The following SIPA1L2 variants were observed in gnomAD, a reference collection of about 807,000 sequenced individuals.
The protein encoded by SIPA1L2 is signal-induced proliferation-associated 1-like protein 2.
Under a neutral mutation model 163.9 loss-of-function variants are expected in SIPA1L2, and 56 were observed. The ratio of observed to expected loss-of-function variants is 0.34; its 90% CI spans 0.28 to 0.43. The LOEUF (loss-of-function observed/expected upper bound fraction) is 0.43, where lower values mean the gene tolerates loss of function less well. Ranked by LOEUF, SIPA1L2 falls within the 20% of genes least tolerant of loss-of-function variation. The pLI, the probability that SIPA1L2 is intolerant of heterozygous loss-of-function variation, is 1.00. For missense variants in SIPA1L2, 1,974 were observed against 2,193.5 expected (o/e 0.90, Z 2.00); for synonymous variants, 877 against 865.7 (o/e 1.01, Z -0.23).
Position 232,512,790 on chromosome 1 carries a change from C to T in SIPA1L2, c.1483+1067G>A, listed in dbSNP as rs557305565. The stretch of plus-strand genomic sequence containing the variant: ...ACCTGCATGTTCAGAACATGTATCC[C>T]AGAACTTAAAGTAAAAAAAAAAATA... On this transcript the variant is annotated intron_variant, in intron 3 of 22. Transcript: ENST00000674635. Among the ~76,000 whole-genome samples, 10 of 152,120 alleles carry T rather than the reference C, an allele frequency of 6.6e-5. No homozygotes were observed. In the East Asian group the frequency reaches 1.7e-3, roughly 26 times the overall value.
chr1:232,614,945 C>T (rs1662425610), intron 1 of SIPA1L2, among the ~76,000 whole-genome samples: 1 of 152,164 alleles, frequency 6.6e-6, no homozygotes, highest in African/African-American at 2.4e-5. Context: ...AATTCCAGTC[C>T]AAAGCTGGAT....
At chr1:232,580,566 G>A (rs74146162) in intron 1 of SIPA1L2, among the ~76,000 whole-genome samples, 1,623 of 152,290 alleles carry the variant, frequency 0.011, 35 homozygotes, top group African/African-American at 0.037. Flanking sequence ...TATGATGACA[G>A]GACAGGTTAT....
intron 2 of SIPA1L2, among the ~76,000 whole-genome samples, chr1:232,520,296 C>G (rs1265310782): frequency 6.6e-6 from 1 of 152,266 alleles, no homozygotes; most frequent in African/African-American, 2.4e-5. Flanking sequence ...TTTAAAAACC[C>G]AGACAGAAAC....
At chr1:232,554,585 C>G (rs1039514516) in intron 2 of SIPA1L2, among the ~76,000 whole-genome samples, 1 of 152,134 alleles carries the variant, frequency 6.6e-6, no homozygotes, top group Non-Finnish European at 1.5e-5. Context: ...ACTGGTGTCA[C>G]GAAGAATGAA....
chr1:232,606,566 A>G (rs1661932120), intron 1 of SIPA1L2, among the ~76,000 whole-genome samples: 1 of 151,254 alleles, frequency 6.6e-6, no homozygotes, highest in Non-Finnish European at 1.5e-5. Flanking sequence ...AAATAAAATA[A>G]TGTAGGTATA....
chr1:232,399,291 A>G lies in SIPA1L2; in HGVS notation c.5023-18T>C, dbSNP rs79524568. 2,573 of 1,611,386 alleles carry G rather than the reference A, an allele frequency of 1.6e-3. 40 individuals carry two copies. In the African/African-American group the frequency reaches 0.031, roughly 19 times the overall value. ...TGTTTTTCCTGGTCAGAGCAGAAAT[A>G]AACTGAGTCATGGAGACTGATCGAT... On this transcript the variant is annotated intron_variant, in intron 22 of 22. Coordinates refer to ENST00000674635, the MANE Select transcript of SIPA1L2 (RefSeq NM_020808.5).
intron 1 of SIPA1L2, among the ~76,000 whole-genome samples, chr1:232,611,128 C>T (rs1662214598): frequency 6.6e-6 from 1 of 152,170 alleles, no homozygotes; most frequent in African/African-American, 2.4e-5. Flanking sequence ...TCCGCTTTTG[C>T]ATCTTCCTCA....
At chr1:232,567,122 C>A (rs973699853) in intron 2 of SIPA1L2, among the ~76,000 whole-genome samples, 1 of 152,176 alleles carries the variant, frequency 6.6e-6, no homozygotes, top group East Asian at 1.9e-4. Context: ...TGCTCCATTA[C>A]AAATTAGCTA....
intron 2 of SIPA1L2, among the ~76,000 whole-genome samples, chr1:232,566,062 G>A (rs376886804): frequency 2.0e-5 from 3 of 152,350 alleles, no homozygotes; most frequent in East Asian, 3.9e-4. Context: ...ACCTGGGGCA[G>A]TTTAGGAAAA....
chr1:232,412,232 C>T (rs1166058979), intron 19 of SIPA1L2, among the ~76,000 whole-genome samples: 1 of 152,066 alleles, frequency 6.6e-6, no homozygotes, highest in African/African-American at 2.4e-5. Context: ...ACGAGGTAGA[C>T]TAATGGGGGA....
At chr1:232,562,989 C>A (rs1368045371) in intron 2 of SIPA1L2, among the ~76,000 whole-genome samples, 1 of 152,190 alleles carries the variant, frequency 6.6e-6, no homozygotes. Context: ...GACTGCCAAA[C>A]CACTGTATTT....
intron 2 of SIPA1L2, among the ~76,000 whole-genome samples, chr1:232,520,941 C>T (rs1013877336): frequency 1.3e-5 from 2 of 152,114 alleles, no homozygotes; most frequent in Non-Finnish European, 2.9e-5. Flanking sequence ...ATTCCTATTA[C>T]AGTAGAATAC....
At chr1:232,413,584 T>C (rs1009549759) in intron 19 of SIPA1L2, among the ~76,000 whole-genome samples, 10 of 152,252 alleles carry the variant, frequency 6.6e-5, no homozygotes, top group African/African-American at 2.2e-4. Flanking sequence ...AGCTGTGCTA[T>C]GAGCTGGGAT....
chr1:232,592,525 G>A (rs556072522), intron 1 of SIPA1L2, among the ~76,000 whole-genome samples: 2 of 152,116 alleles, frequency 1.3e-5, no homozygotes, highest in Non-Finnish European at 2.9e-5. Flanking sequence ...GTTTATATGT[G>A]AAAATAAAAT....
chr1:232,589,957 G>T (rs988788827), intron 1 of SIPA1L2, among the ~76,000 whole-genome samples: 3 of 152,180 alleles, frequency 2.0e-5, no homozygotes, highest in African/African-American at 7.2e-5. Context: ...GACACTTCCT[G>T]CAGCAGTTCA....
At chr1:232,471,083 C>A (rs750976698) in intron 8 of SIPA1L2, among the ~76,000 whole-genome samples, 9 of 152,158 alleles carry the variant, frequency 5.9e-5, no homozygotes, top group Non-Finnish European at 1.0e-4. Flanking sequence ...ACTTAACCAG[C>A]CACTTCATCC....
intron 2 of SIPA1L2, among the ~76,000 whole-genome samples, chr1:232,552,635 G>T (rs1309418383): frequency 6.6e-6 from 1 of 152,112 alleles, no homozygotes; most frequent in African/African-American, 2.4e-5. Context: ...CTTCCAAAAT[G>T]TTGGGATTAT....
At chr1:232,569,516 T>C (rs536656435) in intron 2 of SIPA1L2, among the ~76,000 whole-genome samples, 1 of 152,206 alleles carries the variant, frequency 6.6e-6, no homozygotes, top group South Asian at 2.1e-4. Flanking sequence ...TGAGAACATT[T>C]TAAAAATCGA....
chr1:232,526,310 A>C (rs1667703869), intron 2 of SIPA1L2, among the ~76,000 whole-genome samples: 1 of 144,382 alleles, frequency 6.9e-6, no homozygotes, highest in Non-Finnish European at 1.5e-5. Flanking sequence ...TGGTGTGTAC[A>C]CCTCTCATGG....
Sources: allele counts gnomAD v4.1 joint callset (sites outside exome capture counted in the v4.1 genomes callset), GRCh38; gene constraint gnomAD v4.1.1; transcripts MANE v1.5; gene names NCBI Gene and HGNC (gene_info 2026-07-23, HGNC 2026-07-21).